The following IL1RAPL1 variants were observed in gnomAD, a reference collection of about 807,000 sequenced individuals.
IL1RAPL1 encodes interleukin-1 receptor accessory protein-like 1.
IL1RAPL1 carries 3 observed loss-of-function variants against 48.4 expected under a neutral mutation model. That is an observed-to-expected ratio of 0.06 (90% CI 0.03 to 0.16). IL1RAPL1 has a LOEUF of 0.16. IL1RAPL1 is among the 10% of genes least tolerant of loss of function. The probability of loss-of-function intolerance (pLI) is 1.00; values close to 1 mark genes in which losing one functional copy is unlikely to be tolerated. For missense variants in IL1RAPL1, 349 were observed against 530.6 expected, an observed-to-expected ratio of 0.66 and a Z score of 3.36; for synonymous variants, 185 against 187.7, an observed-to-expected ratio of 0.99 and a Z score of 0.12.
At chrX:28,897,558 A>G (rs1234485826) in intron 2 of IL1RAPL1, among the ~76,000 whole-genome samples, 1 of 112,057 alleles carries the variant, frequency 8.9e-6, no homozygotes, top group African/African-American at 3.2e-5. Flanking sequence ...GAGGCCACTT[A>G]CCGGACTTAA....
chrX:28,722,706 C>T (rs1317680417), intron 1 of IL1RAPL1, among the ~76,000 whole-genome samples: 4 of 111,623 alleles, frequency 3.6e-5, no homozygotes, highest in African/African-American at 6.5e-5. Context: ...TTTGGCCATT[C>T]AGTATGATAT....
chrX:29,338,892 TTTGATGACATGCTTTGA>T (rs1224796098), intron 3 of IL1RAPL1, among the ~76,000 whole-genome samples: 2 of 110,844 alleles, frequency 1.8e-5, no homozygotes, highest in African/African-American at 6.6e-5. Flanking sequence ...TTGGTCTGAT[TTTGATGACATGCTTTGA>T]TCACACGCCC....
chrX:29,429,880 A>ATG (rs746046525), intron 5 of IL1RAPL1, among the ~76,000 whole-genome samples: 2 of 92,502 alleles, frequency 2.2e-5, no homozygotes, highest in Non-Finnish European at 4.2e-5. Context: ...GTGTATATAT[A>ATG]TGTGTGTGTG....
chrX:29,201,735 G>T (rs2147534236), intron 2 of IL1RAPL1, among the ~76,000 whole-genome samples: 1 of 106,659 alleles, frequency 9.4e-6, no homozygotes, highest in East Asian at 2.9e-4. Context: ...CTTGTTGCCT[G>T]GGCTAGAGTG....
intron 5 of IL1RAPL1, among the ~76,000 whole-genome samples, chrX:29,561,052 C>T (rs1355319874): frequency 2.7e-5 from 3 of 111,959 alleles, no homozygotes; most frequent in Non-Finnish European, 5.6e-5. Context: ...TTCTAGGGGT[C>T]TCGCAGACCT....
chrX:28,835,611 T>C (rs765308546), intron 2 of IL1RAPL1, among the ~76,000 whole-genome samples: 8 of 111,544 alleles, frequency 7.2e-5, no homozygotes, highest in Non-Finnish European at 1.5e-4. Flanking sequence ...AAATGCAGCC[T>C]AAACATTGCT....
At chrX:28,825,108 A>G (rs1300836149) in intron 2 of IL1RAPL1, among the ~76,000 whole-genome samples, 2 of 111,883 alleles carry the variant, frequency 1.8e-5, no homozygotes, top group Non-Finnish European at 3.8e-5. Context: ...TGAAACTCCT[A>G]GAGGCAATTA....
chrX:29,441,781 A>T (rs929109054), intron 5 of IL1RAPL1, among the ~76,000 whole-genome samples: 2 of 112,096 alleles, frequency 1.8e-5, no homozygotes, highest in Non-Finnish European at 3.8e-5. Flanking sequence ...CCATTTCAGT[A>T]TGATTTCATT....
chrX:28,653,266 G>A (rs1053984330), intron 1 of IL1RAPL1, among the ~76,000 whole-genome samples: 11 of 111,502 alleles, frequency 9.9e-5, no homozygotes, highest in African/African-American at 3.6e-4. Context: ...TCTGAGGTCA[G>A]GAGTTGATGA....
intron 2 of IL1RAPL1, among the ~76,000 whole-genome samples, chrX:28,913,722 G>A (rs1053181974): frequency 9.0e-6 from 1 of 111,133 alleles, no homozygotes; most frequent in Non-Finnish European, 1.9e-5. Context: ...TAAACTTAGG[G>A]AATTAGATAC....
intron 7 of IL1RAPL1, 97 bp downstream of exon 7, chrX:29,917,693 G>C (rs1217829548): frequency 7.4e-6 from 5 of 679,476 alleles, no homozygotes; most frequent in Non-Finnish European, 1.1e-5. Flanking sequence ...TGTTTTACTA[G>C]TATCATAATA....
intron 5 of IL1RAPL1, among the ~76,000 whole-genome samples, chrX:29,615,740 C>T (rs1432726711): frequency 8.9e-6 from 1 of 111,767 alleles, no homozygotes; most frequent in Non-Finnish European, 1.9e-5. Context: ...AAAAACACAC[C>T]TAAATAGTAT....
chrX:28,610,758 T>A (rs1432671119), intron 1 of IL1RAPL1, among the ~76,000 whole-genome samples: 1 of 110,649 alleles, frequency 9.0e-6, no homozygotes, highest in Non-Finnish European at 1.9e-5. Flanking sequence ...AAACTTGAAT[T>A]GCACATGGAT....
intron 1 of IL1RAPL1, among the ~76,000 whole-genome samples, chrX:28,727,923 G>A (rs1190159803): frequency 9.2e-6 from 1 of 108,917 alleles, no homozygotes; most frequent in Admixed American, 1.0e-4. Flanking sequence ...ACTGTTGTGG[G>A]GTGGGGGAAG....
intron 5 of IL1RAPL1, among the ~76,000 whole-genome samples, chrX:29,403,932 T>G (rs966140922): frequency 4.4e-5 from 5 of 112,495 alleles, no homozygotes; most frequent in African/African-American, 1.3e-4. Context: ...CCTTACAGAC[T>G]TCACTCATTT....
chrX:29,036,168 T>C (rs892421319), intron 2 of IL1RAPL1, among the ~76,000 whole-genome samples: 1 of 112,441 alleles, frequency 8.9e-6, no homozygotes, highest in South Asian at 3.7e-4. Flanking sequence ...TCAAAAGACA[T>C]AATCCTGTCC....
In IL1RAPL1 at chrX:28,839,620, C is replaced by A. The variant is rs779965225; in HGVS notation, c.82+50195C>A. On this transcript the variant is annotated intron_variant, in intron 2 of 10. Transcript: ENST00000378993. ...AGCAAATGCATGTTGACAGTGAGAG[C>A]TACAAGCCACATCTAAACATCAAGG... 2.5e-3 allele frequency among the ~76,000 whole-genome samples: 279 copies of A among 110,480 alleles called. 2 individuals carry two copies. The highest frequency in any genetic ancestry group is 8.6e-3 in the African/African-American group (264 of 30,629).
At chrX:28,661,742 G>A (rs1283801382) in intron 1 of IL1RAPL1, among the ~76,000 whole-genome samples, 2 of 111,688 alleles carry the variant, frequency 1.8e-5, no homozygotes, top group Non-Finnish European at 3.8e-5. Flanking sequence ...TTGATACCCA[G>A]TGGACAAATT....
chrX:29,545,583 A>G (rs1921601605), intron 5 of IL1RAPL1, among the ~76,000 whole-genome samples: 1 of 111,910 alleles, frequency 8.9e-6, no homozygotes, highest in Admixed American at 9.5e-5. Flanking sequence ...TAAATGAGTC[A>G]TACATCACTC....
Sources: gnomAD v4.1 joint callset for allele counts (sites outside exome capture counted in the v4.1 genomes callset) on GRCh38, gnomAD v4.1.1 for gene constraint, MANE v1.5 for transcripts, NCBI Gene and HGNC (gene_info 2026-07-23, HGNC 2026-07-21) for gene names.